The following GALNTL6 variants were observed in gnomAD, a reference collection of about 807,000 sequenced individuals.
GALNTL6 encodes the protein polypeptide N-acetylgalactosaminyltransferase like 6.
A neutral mutation model predicts 73.7 loss-of-function variants in GALNTL6; 46 were observed. The ratio of observed to expected loss-of-function variants is 0.62; its 90% CI spans 0.49 to 0.80. The LOEUF is 0.80. GALNTL6 is among the 30% of genes least tolerant of loss of function. The pLI, the probability that GALNTL6 is intolerant of heterozygous loss-of-function variation, is 0.00. For missense variants in GALNTL6, 604 were observed against 755.0 expected (o/e 0.80, Z 2.34); for synonymous variants, 259 against 263.7 (o/e 0.98, Z 0.17).
rs544637615 is a variant in GALNTL6, at chr4:172,487,162, CGTA to C, written c.553+138478_553+138480del. 1.4e-3 allele frequency among the ~76,000 whole-genome samples: 219 copies of C among 151,872 alleles called. 1 individual carries two copies. Among genetic ancestry groups the C allele is most frequent in the African/African-American group, 5.1e-3 (213 of 41,458 alleles). On this transcript the variant is annotated intron_variant, in intron 5 of 12. Transcript: ENST00000506823. ...AAAAACAAGAATAAATACAAAAGAA[CGTA>C]GTAGAAGATAAAAGTGAAAATCTTC...
At chr4:171,843,543 T>C (rs1014872166) in intron 2 of GALNTL6, among the ~76,000 whole-genome samples, 2 of 152,174 alleles carry the variant, frequency 1.3e-5, no homozygotes, top group African/African-American at 2.4e-5. Context: ...TCTTTTATAT[T>C]TCACCAAACT....
At chr4:171,926,728 G>A (rs1366072658) in intron 2 of GALNTL6, among the ~76,000 whole-genome samples, 2 of 152,004 alleles carry the variant, frequency 1.3e-5, no homozygotes, top group African/African-American at 4.8e-5. Context: ...ATTATTTAAT[G>A]CACTTCTTGT....
chr4:172,824,401 TGTGTGTG>T, intron 7 of GALNTL6, among the ~76,000 whole-genome samples: 1 of 149,842 alleles, frequency 6.7e-6, no homozygotes, highest in Admixed American at 6.7e-5. Context: ...TGTGTTTGTG[TGTGTGTG>T]TTCATGTGTG....
chr4:172,579,894 A>G lies in GALNTL6; in HGVS notation c.554-229467A>G, dbSNP rs1272403445. Among the ~76,000 whole-genome samples, 5 of 152,110 alleles carry G rather than the reference A, an allele frequency of 3.3e-5. No individual in the cohort carries two copies. The East Asian group carries it at 5.8e-4, about 18-fold the overall frequency. Reference sequence around the variant, plus strand: ...GGGAAGCTACTAGTCACATAAAAGCATATTTTAAAATCTTTACTTCAGCTG... The same window carrying G: ...GGGAAGCTACTAGTCACATAAAAGCGTATTTTAAAATCTTTACTTCAGCTG... On this transcript the variant is annotated intron_variant, in intron 5 of 12. Transcript: ENST00000506823.
chr4:172,606,689 A>G (rs551136006), intron 5 of GALNTL6, among the ~76,000 whole-genome samples: 41 of 106,348 alleles, frequency 3.9e-4, no homozygotes, highest in African/African-American at 1.3e-3. Context: ...TATATATAGT[A>G]TATATATATA....
rs188356227 is a variant in GALNTL6, at chr4:171,830,793, A to G, written c.138+16075A>G. On this transcript the variant is annotated intron_variant, in intron 2 of 12. Transcript: ENST00000506823. ...TTAAAAAGAAGACTGTCACAGCCAA[A>G]TAAGCCAATGATAACATAAATAACA... Among the ~76,000 whole-genome samples, 445 of 152,312 alleles carry G rather than the reference A, an allele frequency of 2.9e-3. 3 individuals carry two copies. Among genetic ancestry groups the G allele is most frequent in the South Asian group, 0.011 (54 of 4,832 alleles).
chr4:172,526,023 G>T (rs983441150), intron 5 of GALNTL6, among the ~76,000 whole-genome samples: 35 of 151,954 alleles, frequency 2.3e-4, no homozygotes, highest in African/African-American at 7.3e-4. Context: ...AGGATCTCTA[G>T]TGCAATGATG....
At chr4:172,976,999 C>G (rs1320757183) in intron 10 of GALNTL6, among the ~76,000 whole-genome samples, 2 of 152,184 alleles carry the variant, frequency 1.3e-5, no homozygotes, top group East Asian at 3.8e-4. Flanking sequence ...ATGTAGACAT[C>G]AAATGTTCAT....
chr4:171,971,937 C>T (rs72993058), intron 2 of GALNTL6, among the ~76,000 whole-genome samples: 5,018 of 151,952 alleles, frequency 0.033, 199 homozygotes, highest in African/African-American at 0.096. Flanking sequence ...TTACCTAGGA[C>T]GGCCTCACCC....
chr4:172,001,710 G>A (rs776518597), intron 2 of GALNTL6, among the ~76,000 whole-genome samples: 2 of 152,002 alleles, frequency 1.3e-5, no homozygotes, highest in African/African-American at 2.4e-5. Context: ...CTATATATGG[G>A]CATTCAAGCT....
intron 8 of GALNTL6, among the ~76,000 whole-genome samples, chr4:172,928,261 C>T (rs749117941): frequency 6.6e-5 from 10 of 152,126 alleles, no homozygotes; most frequent in African/African-American, 1.2e-4. Flanking sequence ...CAATTAAACA[C>T]GTGGACACTG....
chr4:173,020,557 A>G (rs1036904571), intron 11 of GALNTL6, among the ~76,000 whole-genome samples: 2 of 152,208 alleles, frequency 1.3e-5, no homozygotes, highest in African/African-American at 2.4e-5. Context: ...AAAACTTTCT[A>G]CATTGCCCTG....
rs187903281 is a variant in GALNTL6, at chr4:172,539,979, A to T, written c.553+191290A>T. On this transcript the variant is annotated intron_variant, in intron 5 of 12. Coordinates refer to ENST00000506823, the MANE Select transcript of GALNTL6 (RefSeq NM_001034845.3). ...AGTGTCCCCATTATAGACATGAATA[A>T]ACTTGGGGTTAGAAACTTTAGGTGA... Among the ~76,000 whole-genome samples, 408 of 148,190 alleles carry T rather than the reference A, an allele frequency of 2.8e-3. 3 individuals are homozygous for T. Among genetic ancestry groups the T allele is most frequent in the Non-Finnish European group, 4.4e-3 (299 of 67,262 alleles).
chr4:172,345,646 A>G (rs113997254), intron 4 of GALNTL6, among the ~76,000 whole-genome samples: 3,379 of 152,276 alleles, frequency 0.022, 113 homozygotes, highest in African/African-American at 0.075. Flanking sequence ...TGTTCCAAAG[A>G]GACTATACCA....
At chr4:172,429,371 C>A (rs570316729) in intron 5 of GALNTL6, among the ~76,000 whole-genome samples, 19 of 151,932 alleles carry the variant, frequency 1.3e-4, no homozygotes, top group Non-Finnish European at 2.4e-4. Context: ...ACCACTACGC[C>A]TGGCTAATTT....
At chr4:172,545,149 A>G (rs568207717) in intron 5 of GALNTL6, among the ~76,000 whole-genome samples, 2 of 152,276 alleles carry the variant, frequency 1.3e-5, no homozygotes, top group African/African-American at 4.8e-5. Flanking sequence ...TTTTAGTTCT[A>G]AGAAATAAGT....
chr4:172,145,053 C>T (rs563125885), intron 2 of GALNTL6, among the ~76,000 whole-genome samples: 223 of 152,094 alleles, frequency 1.5e-3, no homozygotes, highest in African/African-American at 5.2e-3. Flanking sequence ...AACCTCCCAG[C>T]CTTAGGTGAT....
chr4:172,807,143 T>C (rs1741010195), intron 5 of GALNTL6, among the ~76,000 whole-genome samples: 1 of 152,192 alleles, frequency 6.6e-6, no homozygotes. Context: ...ATAGAATCTT[T>C]CTTGGCAGCT....
chr4:172,240,400 T>C (rs1350774800), intron 3 of GALNTL6, among the ~76,000 whole-genome samples: 2 of 151,976 alleles, frequency 1.3e-5, no homozygotes, highest in Non-Finnish European at 2.9e-5. Context: ...ATTTTTTTTT[T>C]TTTGTATTTT....
Sources: gnomAD v4.1 joint callset for allele counts (sites outside exome capture counted in the v4.1 genomes callset) on GRCh38, gnomAD v4.1.1 for gene constraint, MANE v1.5 for transcripts, NCBI Gene and HGNC (gene_info 2026-07-23, HGNC 2026-07-21) for gene names.